The following PPP2R2C variants were observed in gnomAD, a reference collection of about 807,000 sequenced individuals.
PPP2R2C encodes protein phosphatase 2 regulatory subunit Bgamma, also known as protein phosphatase 2, regulatory subunit B, gamma.
PPP2R2C carries 10 observed loss-of-function variants against 45.3 expected under a neutral mutation model. The ratio of observed to expected loss-of-function variants is 0.22; its 90% CI spans 0.14 to 0.37. PPP2R2C has a LOEUF of 0.37. PPP2R2C is among the 10% of genes least tolerant of loss of function. The probability of loss-of-function intolerance (pLI) is 1.00; values close to 1 mark genes in which losing one functional copy is unlikely to be tolerated. For synonymous variants in PPP2R2C, 257 were observed against 245.4 expected, an observed-to-expected ratio of 1.05 and a Z score of -0.44; for missense variants, 308 against 619.7, an observed-to-expected ratio of 0.50 and a Z score of 5.34.
In PPP2R2C at chr4:6,367,365, G is replaced by A. The variant is rs904201768; in HGVS notation, c.625+5158C>T. Among the ~76,000 whole-genome samples the A allele has an allele frequency of 4.6e-5, 7 of 152,102 alleles. No individual in the cohort carries two copies. In the East Asian group the frequency reaches 5.8e-4, roughly 13 times the overall value. ...GAGGACTGAACAGTGTCATCGGGCC[G>A]AGTGAGGACCCCAGAGAGCAGGGGT... On this transcript the variant is annotated intron_variant, in intron 5 of 8. Coordinates refer to ENST00000382599, the MANE Select transcript of PPP2R2C (RefSeq NM_020416.4).
At chr4:6,499,268 C>G (rs1420234357) in intron 2 of PPP2R2C, among the ~76,000 whole-genome samples, 2 of 152,180 alleles carry the variant, frequency 1.3e-5, no homozygotes, top group Non-Finnish European at 2.9e-5. Flanking sequence ...CCAGTCCTCC[C>G]AGGTGTCTGG....
At chr4:6,381,809 T>C in intron 1 of PPP2R2C, 1 of 1,614,020 alleles carries the variant, frequency 6.2e-7, no homozygotes, top group Non-Finnish European at 8.5e-7. Flanking sequence ...CTGGCCTTCC[T>C]GGATGGGCAA....
intron 5 of PPP2R2C, among the ~76,000 whole-genome samples, chr4:6,371,474 C>T (rs1222848024): frequency 6.6e-6 from 1 of 152,220 alleles, no homozygotes; most frequent in African/African-American, 2.4e-5. Flanking sequence ...GGTGCCCAGG[C>T]TGCCTGGAGT....
rs1277564167 is a variant in PPP2R2C, at chr4:6,324,638, T to C, written c.1053-1045A>G. On this transcript the variant is annotated intron_variant, in intron 8 of 8. Coordinates refer to ENST00000382599, the MANE Select transcript of PPP2R2C (RefSeq NM_020416.4). This position sits in a 1 kb window ranked among gnomAD's most constrained non-coding sequence, Gnocchi z 4.1. ...GCGAATAAACAAACATGCATCGCCATGAGGGTCGGGGCGAGCAGTGCTGAC... is the reference window on the plus strand; with the variant it reads ...GCGAATAAACAAACATGCATCGCCACGAGGGTCGGGGCGAGCAGTGCTGAC... 6.6e-6 allele frequency among the ~76,000 whole-genome samples: 1 copy of C among 152,218 alleles called. No individual in the cohort carries two copies. Among genetic ancestry groups the C allele is most frequent in the Non-Finnish European group, 1.5e-5 (1 of 68,034 alleles).
At chr4:6,373,900 C>A (rs937832037) in intron 4 of PPP2R2C, among the ~76,000 whole-genome samples, 6 of 123,886 alleles carry the variant, frequency 4.8e-5, no homozygotes, top group African/African-American at 2.1e-4. Context: ...TATGTGCATG[C>A]ATGTGTGTGT....
intron 1 of PPP2R2C, among the ~76,000 whole-genome samples, chr4:6,432,924 A>G (rs1719704119): frequency 6.6e-6 from 1 of 152,144 alleles, no homozygotes; most frequent in Non-Finnish European, 1.5e-5. Context: ...CAGCCTACTC[A>G]ACATGAAGAC....
Position 6,544,411 on chromosome 4 carries a change from C to T in PPP2R2C, c.-58-9034G>A, listed in dbSNP as rs148195109. ...AGGTTGGAGTGCAGTGGCATGATCA[C>T]GGCTCACCGCAGCCCCAAACTCCTG... is the stretch of plus-strand genomic sequence containing the variant. On this transcript the variant is annotated intron_variant, in intron 1 of 9. Transcript: ENST00000506140. Among the ~76,000 whole-genome samples, 117 of 152,230 alleles carry T rather than the reference C, an allele frequency of 7.7e-4. 1 individual carries two copies. In the South Asian group the frequency reaches 0.017, roughly 22 times the overall value.
upstream of PPP2R2C, among the ~76,000 whole-genome samples, chr4:6,474,145 C>A (rs1722051610): frequency 6.6e-6 from 1 of 152,040 alleles, no homozygotes. Flanking sequence ...ACATTGGCCC[C>A]CACCCACCTG....
intron 1 of PPP2R2C, among the ~76,000 whole-genome samples, chr4:6,455,369 G>T (rs1421898033): frequency 6.6e-6 from 1 of 152,096 alleles, no homozygotes; most frequent in African/African-American, 2.4e-5. Flanking sequence ...ATAAAGTTGG[G>T]GCAGTCGTTG....
chr4:6,428,547 G>C (rs188877776), intron 1 of PPP2R2C, among the ~76,000 whole-genome samples: 3 of 152,334 alleles, frequency 2.0e-5, no homozygotes, highest in East Asian at 1.9e-4. Flanking sequence ...TAAGCATTAG[G>C]GGCCAGGGCC....
chr4:6,492,540 AC>A (rs1170344969), intron 2 of PPP2R2C, among the ~76,000 whole-genome samples: 2 of 151,932 alleles, frequency 1.3e-5, no homozygotes, highest in African/African-American at 4.8e-5. Flanking sequence ...CCCCACGCCA[AC>A]CCCCCACCCA....
chr4:6,383,986 A>G (rs1485282154), intron 1 of PPP2R2C: 2 of 985,942 alleles, frequency 2.0e-6, no homozygotes, highest in African/African-American at 3.5e-5. Flanking sequence ...GGACGTATCC[A>G]TCCATCCATC....
intron 1 of PPP2R2C, among the ~76,000 whole-genome samples, chr4:6,464,813 G>C (rs923745141): frequency 2.6e-5 from 4 of 151,680 alleles, no homozygotes; most frequent in Non-Finnish European, 5.9e-5. Flanking sequence ...TGGGAGTAGG[G>C]GGTCTTCACA....
At chr4:6,325,691 C>G (rs1263386016) in intron 8 of PPP2R2C, among the ~76,000 whole-genome samples, 1 of 152,168 alleles carries the variant, frequency 6.6e-6, no homozygotes, top group Non-Finnish European at 1.5e-5. Context: ...CCCCTCTCAT[C>G]CTAGAGCACC....
intron 5 of PPP2R2C, 97 bp from the exon 6 acceptor site, chr4:6,348,107 C>T: frequency 7.1e-7 from 1 of 1,407,640 alleles, no homozygotes; most frequent in Non-Finnish European, 9.8e-7. Context: ...CAAAACCGTC[C>T]ACCCTCGCGT....
intron 1 of PPP2R2C, chr4:6,382,718 C>CA: frequency 2.3e-6 from 1 of 436,150 alleles, no homozygotes; most frequent in Non-Finnish European, 3.6e-6. Context: ...CACACACACC[C>CA]CACATCCAAT....
rs576471712 is a variant in PPP2R2C at position 6,348,788 on chromosome 4, T to G, written c.626-778A>C. ...ACAGTGGAAAGAGTGCAGAGAAAGA[T>G]CTGGTGATGCCATTGGAATCCTGGA... On this transcript the variant is annotated intron_variant, in intron 5 of 8. Coordinates refer to ENST00000382599, the MANE Select transcript of PPP2R2C (RefSeq NM_020416.4). 118 of 804,568 alleles carry G rather than the reference T, an allele frequency of 1.5e-4. 1 individual carries two copies. In the African/African-American group the frequency reaches 2.1e-3, roughly 15 times the overall value. 49.8% of individuals were successfully genotyped at this position (804,568 alleles called of 1,614,324 possible). A position where few individuals can be genotyped will look rare whatever the true frequency, so the allele number is the denominator to read the frequency against.
intron 2 of PPP2R2C, among the ~76,000 whole-genome samples, chr4:6,494,700 G>A (rs1188726061): frequency 2.0e-5 from 3 of 152,208 alleles, no homozygotes; most frequent in African/African-American, 7.2e-5. Flanking sequence ...TCAGCTGGGA[G>A]CAGGGCAGAC....
Position 6,345,666 on chromosome 4 carries a change from C to T in PPP2R2C, c.790+2180G>A, listed in dbSNP as rs551589929. ...CAGGGAAAACGGTGCTCCCCAGAGC[C>T]TCCCGAAGGTACCAGCCCGTGGCAC... On this transcript the variant is annotated intron_variant, in intron 6 of 8. Transcript: ENST00000382599. This position sits in a 1 kb window ranked among gnomAD's most constrained non-coding sequence, Gnocchi z 5.3. Among the ~76,000 whole-genome samples, 6 of 152,258 alleles carry T rather than the reference C, an allele frequency of 3.9e-5. No homozygotes were observed. The highest frequency in any genetic ancestry group is 1.4e-4 in the African/African-American group (6 of 41,554).
Sources: allele counts gnomAD v4.1 joint callset (sites outside exome capture counted in the v4.1 genomes callset), GRCh38; gene constraint gnomAD v4.1.1; non-coding constraint Gnocchi (gnomAD v3.1); transcripts MANE v1.5; gene names NCBI Gene and HGNC (gene_info 2026-07-23, HGNC 2026-07-21).